Variants in ZNF846 observed in about 807,000 individuals in gnomAD.
ZNF846 encodes the protein zinc finger protein 846.
Under a neutral mutation model 16.0 loss-of-function variants are expected in ZNF846, and 15 were observed. That is an observed-to-expected ratio of 0.94 (90% CI 0.63 to 1.45). The LOEUF is 1.45. Among genes scored for constraint, ZNF846 ranks in the 40% most tolerant of loss-of-function variants. The pLI, the probability that ZNF846 is intolerant of heterozygous loss-of-function variation, is 0.00. For synonymous variants in ZNF846, 229 were observed against 212.0 expected, an observed-to-expected ratio of 1.08 and a Z score of -0.70; for missense variants, 714 against 622.3, an observed-to-expected ratio of 1.15 and a Z score of -1.57.
downstream of ZNF846, among the ~76,000 whole-genome samples, chr19:9,750,784 C>A (rs1220775795): frequency 6.6e-6 from 1 of 152,208 alleles, no homozygotes; most frequent in Non-Finnish European, 1.5e-5. Flanking sequence ...CTAATGACTT[C>A]TCTGTTTAGC....
upstream of ZNF846, among the ~76,000 whole-genome samples, chr19:9,773,145 A>C (rs542687879): frequency 6.6e-6 from 1 of 152,232 alleles, no homozygotes; most frequent in Non-Finnish European, 1.5e-5. Flanking sequence ...TTCTCCATAG[A>C]TGCTGATGAA....
chr19:9,766,820 A>C (rs976023697), intron 1 of ZNF846, among the ~76,000 whole-genome samples: 3 of 151,446 alleles, frequency 2.0e-5, no homozygotes, highest in African/African-American at 7.3e-5. Flanking sequence ...GAAGCACTTG[A>C]ACCCGGGAGG....
chr19:9,752,695 T>A (rs1020792972), downstream of ZNF846, among the ~76,000 whole-genome samples: 1 of 150,366 alleles, frequency 6.7e-6, no homozygotes, highest in African/African-American at 2.4e-5. Context: ...CATTCTAGAA[T>A]GCCTTGTAGC....
At chr19:9,785,131 C>A (rs1347823979) in intron 1 of ZNF846, among the ~76,000 whole-genome samples, 3 of 152,070 alleles carry the variant, frequency 2.0e-5, no homozygotes, top group East Asian at 1.9e-4. Flanking sequence ...ATTGATGCAG[C>A]CTCACAATAC....
chr19:9,784,686 T>TG (rs1313360777), intron 1 of ZNF846, among the ~76,000 whole-genome samples: 3 of 151,996 alleles, frequency 2.0e-5, no homozygotes, highest in East Asian at 3.9e-4. Context: ...GCTGTCTCAG[T>TG]GGGGGGAAAC....
chr19:9,762,164 C>A (rs375984282), exon 4 of ZNF846: 7 of 1,613,838 alleles, frequency 4.3e-6, no homozygotes, highest in Admixed American at 3.3e-5. Context: ...ATAATTCAGA[C>A]CCTGCTGGAG....
intron 4 of ZNF846, among the ~76,000 whole-genome samples, chr19:9,760,857 A>G (rs1599386694): frequency 6.6e-6 from 1 of 151,516 alleles, no homozygotes; most frequent in South Asian, 2.1e-4. Context: ...GTGAGTGGGG[A>G]CTGACTACTT....
intron 2 of ZNF846, among the ~76,000 whole-genome samples, chr19:9,764,307 G>A (rs1002100711): frequency 6.6e-6 from 1 of 152,124 alleles, no homozygotes; most frequent in Non-Finnish European, 1.5e-5. Context: ...CAGCATTTGT[G>A]GCAATTGTTA....
chr19:9,772,927 T>C (rs2045400983), upstream of ZNF846, among the ~76,000 whole-genome samples: 1 of 151,798 alleles, frequency 6.6e-6, no homozygotes, highest in Non-Finnish European at 1.5e-5. Flanking sequence ...AAGACAAAAA[T>C]TAGTCGTGTG....
chr19:9,759,070 C>T (rs2045180873), intron 5 of ZNF846, among the ~76,000 whole-genome samples: 1 of 151,758 alleles, frequency 6.6e-6, no homozygotes, highest in South Asian at 2.1e-4. Flanking sequence ...ACGATCTTGA[C>T]TCACAGCAAT....
intron 1 of ZNF846, among the ~76,000 whole-genome samples, chr19:9,785,122 T>C (rs1283591599): frequency 6.6e-6 from 1 of 152,096 alleles, no homozygotes; most frequent in Non-Finnish European, 1.5e-5. Context: ...ATATGCATCA[T>C]TGATGCAGCC....
upstream of ZNF846, among the ~76,000 whole-genome samples, chr19:9,771,280 C>A (rs2045388196): frequency 6.6e-6 from 1 of 152,056 alleles, no homozygotes; most frequent in South Asian, 2.1e-4. Flanking sequence ...CAGGTTCAAG[C>A]AGTTCTCTTG....
At chr19:9,767,920 C>A (rs1318565477) in intron 1 of ZNF846, among the ~76,000 whole-genome samples, 2 of 152,034 alleles carry the variant, frequency 1.3e-5, no homozygotes, top group African/African-American at 4.8e-5. Context: ...GCAATAAGAG[C>A]GAAACTCCGT....
downstream of ZNF846, chr19:9,757,447 A>G (rs1219651664): frequency 6.6e-7 from 1 of 1,516,320 alleles, no homozygotes. Flanking sequence ...ATGAGTTTAG[A>G]TGTAAATACT....
intron 1 of ZNF846, among the ~76,000 whole-genome samples, chr19:9,766,628 A>G (rs1599392993): frequency 6.6e-6 from 1 of 151,756 alleles, no homozygotes; most frequent in Admixed American, 6.6e-5. Flanking sequence ...CTGTAATCCC[A>G]GCACTTTGGG....
exon 6 of ZNF846, chr19:9,758,196 G>T (rs2045164119): frequency 1.2e-6 from 2 of 1,613,056 alleles, no homozygotes; most frequent in Non-Finnish European, 1.7e-6. Flanking sequence ...AAGGTATGAA[G>T]AATGGGTGAA....
At chr19:9,758,227 A>G (rs770038524) in exon 6 of ZNF846, 3 of 1,613,222 alleles carry the variant, frequency 1.9e-6, no homozygotes, top group Non-Finnish European at 2.5e-6. Context: ...CACTCTTTAC[A>G]TTTATATGGT....
intron 3 of ZNF846, 75 bp from the exon 4 acceptor site, chr19:9,762,243 T>C (rs2045243170): frequency 8.6e-7 from 1 of 1,168,306 alleles, no homozygotes; most frequent in South Asian, 1.3e-5. Flanking sequence ...GAACCAATAC[T>C]TTTGCCTTCG....
Position 9,760,715 on chromosome 19 carries a change from T to A in ZNF846, c.230-773A>T, listed in dbSNP as rs372646452. Among the ~76,000 whole-genome samples, 144 of 150,710 alleles carry A rather than the reference T, an allele frequency of 9.6e-4. No homozygotes were observed. In the South Asian group the frequency reaches 0.011, roughly 12 times the overall value. On this transcript the variant is annotated intron_variant, in intron 4 of 5. Coordinates refer to ENST00000397902, the Ensembl canonical transcript of ZNF846. ...GACTCTGTGTCAAAAAAGAAAAAAA[T>A]ATATATATACATATATATATAGCTA...
Sources: gnomAD v4.1 joint callset for allele counts (sites outside exome capture counted in the v4.1 genomes callset) on GRCh38, gnomAD v4.1.1 for gene constraint, MANE v1.5 for transcripts, NCBI Gene and HGNC (gene_info 2026-07-23, HGNC 2026-07-21) for gene names.